Variants in USH2A observed in about 807,000 individuals in gnomAD.
USH2A encodes Usher syndrome 2A (autosomal recessive, mild).
USH2A carries 443 observed loss-of-function variants against 538.9 expected under a neutral mutation model. That is an observed-to-expected ratio of 0.82 (90% CI 0.76 to 0.89). USH2A has a LOEUF of 0.89. Among genes scored for constraint, USH2A ranks in the 40% least tolerant of loss-of-function variants. USH2A has a pLI of 0.00. For synonymous variants in USH2A, 2,413 were observed against 2,273.5 expected, an observed-to-expected ratio of 1.06 and a Z score of -1.75; for missense variants, 6,633 against 6,324.8, an observed-to-expected ratio of 1.05 and a Z score of -1.65.
At chr1:215,767,663 C>A (rs534834808) in intron 55 of USH2A, among the ~76,000 whole-genome samples, 6 of 152,296 alleles carry the variant, frequency 3.9e-5, no homozygotes, top group South Asian at 4.1e-4. Flanking sequence ...CTGCTCTGTG[C>A]GTGGCTGGTG....
At chr1:216,280,430 A>G (rs1456555272) in intron 11 of USH2A, among the ~76,000 whole-genome samples, 1 of 152,154 alleles carries the variant, frequency 6.6e-6, no homozygotes, top group Non-Finnish European at 1.5e-5. Flanking sequence ...ACACAGACTT[A>G]CAGTTGTATG....
chr1:216,410,109 C>T (rs1448498517), intron 3 of USH2A, among the ~76,000 whole-genome samples: 1 of 151,458 alleles, frequency 6.6e-6, no homozygotes, highest in African/African-American at 2.4e-5. Context: ...CATATGATCG[C>T]TGATCATCAG....
At chr1:216,240,011 A>T (rs2102534978) in intron 13 of USH2A, among the ~76,000 whole-genome samples, 2 of 96,300 alleles carry the variant, frequency 2.1e-5, no homozygotes, top group Middle Eastern at 4.6e-3. Flanking sequence ...AGATGAAATA[A>T]ACAAAAAAAA....
At chr1:216,373,275 T>A (rs2038750806) in intron 3 of USH2A, among the ~76,000 whole-genome samples, 1 of 152,158 alleles carries the variant, frequency 6.6e-6, no homozygotes, top group South Asian at 2.1e-4. Flanking sequence ...AATAAATAAA[T>A]ATGAATAAAG....
intron 19 of USH2A, among the ~76,000 whole-genome samples, chr1:216,191,220 A>G (rs1261954995): frequency 6.6e-6 from 1 of 152,070 alleles, no homozygotes; most frequent in African/African-American, 2.4e-5. Context: ...TATGAGTACA[A>G]AACTAATTTT....
At chr1:216,359,240 C>T (rs2038445161) in intron 4 of USH2A, among the ~76,000 whole-genome samples, 1 of 151,986 alleles carries the variant, frequency 6.6e-6, no homozygotes, top group Admixed American at 6.6e-5. Flanking sequence ...GTACAACAAT[C>T]ATATGGAAAT....
intron 54 of USH2A, 44 bp downstream of exon 54, chr1:215,781,998 C>T (rs1448825944): frequency 6.2e-7 from 1 of 1,612,132 alleles, no homozygotes; most frequent in African/African-American, 1.3e-5. Flanking sequence ...AGATAATCTT[C>T]ACACTGAACC....
At chr1:216,329,370 A>G (rs1191184194) in intron 4 of USH2A, among the ~76,000 whole-genome samples, 1 of 152,178 alleles carries the variant, frequency 6.6e-6, no homozygotes, top group Non-Finnish European at 1.5e-5. Flanking sequence ...AAAGATGGAC[A>G]TGTCATTCTT....
intron 14 of USH2A, among the ~76,000 whole-genome samples, chr1:216,227,480 C>T (rs1374189925): frequency 1.3e-5 from 2 of 151,682 alleles, no homozygotes; most frequent in Non-Finnish European, 1.5e-5. Context: ...TATGATATTA[C>T]CTATAGAGAG....
chr1:216,205,870 A>G (rs2035101398), intron 16 of USH2A, among the ~76,000 whole-genome samples: 1 of 152,182 alleles, frequency 6.6e-6, no homozygotes, highest in Non-Finnish European at 1.5e-5. Flanking sequence ...GTCTTTAGGG[A>G]AACTGTATCT....
intron 21 of USH2A, among the ~76,000 whole-genome samples, chr1:216,103,198 T>C (rs1443948066): frequency 6.6e-6 from 1 of 152,234 alleles, no homozygotes; most frequent in East Asian, 1.9e-4. Flanking sequence ...GCAGGCCCAC[T>C]GGGGGCCCAG....
At chr1:216,371,012 C>A (rs2038704573) in intron 3 of USH2A, among the ~76,000 whole-genome samples, 1 of 152,184 alleles carries the variant, frequency 6.6e-6, no homozygotes, top group Non-Finnish European at 1.5e-5. Context: ...ATGGTGTTGT[C>A]CCCACTTTGC....
At chr1:216,161,207 T>G (rs1232308746) in intron 21 of USH2A, among the ~76,000 whole-genome samples, 7 of 152,186 alleles carry the variant, frequency 4.6e-5, no homozygotes, top group Admixed American at 1.3e-4. Flanking sequence ...GTTGAGTTTA[T>G]GTTCACCACA....
chr1:215,807,139 G>A (rs1271445232), intron 49 of USH2A, among the ~76,000 whole-genome samples: 1 of 152,062 alleles, frequency 6.6e-6, no homozygotes, highest in Non-Finnish European at 1.5e-5. Context: ...TTGCTGGCCT[G>A]GAAAATGGAA....
At chr1:215,983,169 T>C (rs1298371002) in intron 35 of USH2A, among the ~76,000 whole-genome samples, 1 of 152,140 alleles carries the variant, frequency 6.6e-6, no homozygotes, top group Non-Finnish European at 1.5e-5. Context: ...CAGGCTGGTC[T>C]TGAACTCCTG....
Position 216,269,158 on chromosome 1 carries a change from C to G in USH2A, c.1972-18060G>C, listed in dbSNP as rs146481162. Among the ~76,000 whole-genome samples the G allele has an allele frequency of 6.4e-3, 978 of 152,150 alleles. 11 individuals are homozygous for G. Among genetic ancestry groups the G allele is most frequent in the African/African-American group, 0.023 (947 of 41,520 alleles). The stretch of plus-strand genomic sequence containing the variant: ...GTTACCAATAGGGTTTGGCTGTGTC[C>G]TCACCCAAATCTCATCTTGAATTCC... On this transcript the variant is annotated intron_variant, in intron 11 of 71. Transcript: ENST00000307340.
At chr1:216,003,175 A>T (rs896302748) in intron 32 of USH2A, among the ~76,000 whole-genome samples, 2 of 152,052 alleles carry the variant, frequency 1.3e-5, no homozygotes, top group African/African-American at 4.8e-5. Flanking sequence ...TATACCTCTC[A>T]TGTTGCTTGA....
chr1:216,187,056 C>A (rs2034619871), intron 20 of USH2A, among the ~76,000 whole-genome samples: 1 of 151,940 alleles, frequency 6.6e-6, no homozygotes, highest in African/African-American at 2.4e-5. Flanking sequence ...AGTGCCAGCC[C>A]CTAAAACAGA....
At chr1:216,252,535 C>A (rs1283652761) in intron 11 of USH2A, among the ~76,000 whole-genome samples, 1 of 152,180 alleles carries the variant, frequency 6.6e-6, no homozygotes, top group Non-Finnish European at 1.5e-5. Flanking sequence ...ACTATCACTG[C>A]CTCAATTGTC....
Sources: gnomAD v4.1 joint callset for allele counts (sites outside exome capture counted in the v4.1 genomes callset) on GRCh38, gnomAD v4.1.1 for gene constraint, MANE v1.5 for transcripts, NCBI Gene and HGNC (gene_info 2026-07-23, HGNC 2026-07-21) for gene names.